PIBF1: variants seen among roughly 807,000 people sequenced by gnomAD.
The protein encoded by PIBF1 is progesterone-induced-blocking factor 1.
Under a neutral mutation model 112.5 loss-of-function variants are expected in PIBF1, and 90 were observed. The ratio of observed to expected loss-of-function variants is 0.80; its 90% CI spans 0.67 to 0.95. The LOEUF (loss-of-function observed/expected upper bound fraction) is 0.95. Among genes scored for constraint, PIBF1 ranks in the 40% least tolerant of loss-of-function variants. The probability of loss-of-function intolerance (pLI) is 0.00; values close to 1 mark genes in which losing one functional copy is unlikely to be tolerated. For missense variants in PIBF1, 915 were observed against 852.3 expected (o/e 1.07, Z -0.92); for synonymous variants, 301 against 288.6 (o/e 1.04, Z -0.44).
intron 5 of PIBF1, among the ~76,000 whole-genome samples, chr13:72,805,344 A>G (rs148551093): frequency 0.022 from 3,341 of 152,136 alleles, 136 homozygotes; most frequent in African/African-American, 0.076. Context: ...GGGTTTCACC[A>G]TGTTAGCCAG....
chr13:72,835,297 C>A lies in PIBF1; in HGVS notation c.1152C>A (p.Ile384=). ...AACTACATGATGAACTAGAACAAATCAGATTGAAAACCAACCAAGAAATTG... is the reference window on the plus strand; with the variant it reads ...AACTACATGATGAACTAGAACAAATAAGATTGAAAACCAACCAAGAAATTG... ...ENKLHDELEQ[I]RLKTNQEIDQ... The change falls in exon 9 of 18, where the codon ATC becomes ATA. Residue 384 remains isoleucine (I), a synonymous_variant. Transcript: ENST00000326291. 6.3e-7 allele frequency: 1 copy of A among 1,595,210 alleles called. No homozygotes were observed. Among genetic ancestry groups the A allele is most frequent in the South Asian group, 1.1e-5 (1 of 87,940 alleles).
At chr13:72,904,429 A>ATTTTTTTTTTTTTTTTTTTTTT (rs1240090172) in intron 11 of PIBF1, among the ~76,000 whole-genome samples, 4 of 51,086 alleles carry the variant, frequency 7.8e-5, no homozygotes, top group Non-Finnish European at 1.1e-4. Flanking sequence ...ATATCAAAAT[A>ATTTTTTTTTTTTTTTTTTTTTT]TTTCTTTTTT....
At chr13:72,964,740 A>G (rs2042694713) in intron 14 of PIBF1, among the ~76,000 whole-genome samples, 3 of 152,146 alleles carry the variant, frequency 2.0e-5, no homozygotes. Flanking sequence ...AAGTTTATGC[A>G]TTCTCAAAAT....
intron 16 of PIBF1, among the ~76,000 whole-genome samples, chr13:72,984,810 C>T (rs1024763822): frequency 6.6e-6 from 1 of 151,978 alleles, no homozygotes; most frequent in African/African-American, 2.4e-5. Flanking sequence ...TTGTTGTATC[C>T]TACAAGTCAG....
At chr13:72,913,754 T>C (rs978977965) in intron 12 of PIBF1, among the ~76,000 whole-genome samples, 2 of 151,156 alleles carry the variant, frequency 1.3e-5, no homozygotes, top group African/African-American at 4.9e-5. Flanking sequence ...AGAATGAGAC[T>C]CTGTCTCAAA....
At chr13:72,997,235 C>CT (rs1208048991) in intron 16 of PIBF1, among the ~76,000 whole-genome samples, 1 of 152,178 alleles carries the variant, frequency 6.6e-6, no homozygotes, top group Non-Finnish European at 1.5e-5. Context: ...TTTTCATAGG[C>CT]TTTCCCTTCT....
At position 72,965,413 on chromosome 13, in the gene PIBF1, T is replaced by A; in HGVS notation, c.1964+9T>A. ...CTTGAGAAAGATGTCAGGTAAACCA[T>A]CTACAAATCTTTTATTTGAATAATA... On this transcript the variant is annotated intron_variant, in intron 15 of 17. Transcript: ENST00000326291. The A allele has an allele frequency of 1.9e-6, 3 of 1,592,206 alleles. No homozygotes were observed. The highest frequency in any genetic ancestry group is 2.6e-6 in the Non-Finnish European group (3 of 1,170,446).
chr13:72,951,639 A>G (rs538853813), intron 14 of PIBF1, among the ~76,000 whole-genome samples: 18 of 152,328 alleles, frequency 1.2e-4, no homozygotes, highest in Non-Finnish European at 2.5e-4. Flanking sequence ...TGGAGTCAGT[A>G]AAACAGCAGT....
At chr13:72,783,390 A>T in intron 1 of PIBF1, 33 bp from the exon 2 acceptor site, 1 of 933,552 alleles carries the variant, frequency 1.1e-6, no homozygotes, top group Non-Finnish European at 1.6e-6. Context: ...TTAATTTTAT[A>T]GTACATTTGA....
chr13:72,901,640 A>G (rs1366767641), intron 11 of PIBF1, among the ~76,000 whole-genome samples: 1 of 152,008 alleles, frequency 6.6e-6, no homozygotes, highest in African/African-American at 2.4e-5. Context: ...AGCAAAGATC[A>G]TGCCACTACA....
chr13:72,952,220 A>G (rs1387218183), intron 14 of PIBF1, among the ~76,000 whole-genome samples: 1 of 151,478 alleles, frequency 6.6e-6, no homozygotes, highest in African/African-American at 2.4e-5. Flanking sequence ...TGCCCAGCTA[A>G]TTTTTGTATT....
chr13:72,857,077 C>T (rs540311486), intron 10 of PIBF1, among the ~76,000 whole-genome samples: 12 of 151,960 alleles, frequency 7.9e-5, no homozygotes, highest in African/African-American at 2.7e-4. Context: ...AATAGAATAC[C>T]AAAAATATTT....
chr13:72,832,072 CTTTTTTTTTTTT>C (rs754794968), intron 8 of PIBF1, among the ~76,000 whole-genome samples: 4 of 42,904 alleles, frequency 9.3e-5, no homozygotes, highest in South Asian at 8.4e-4. Context: ...CAATTCCGGC[CTTTTTTTTTTTT>C]TTTTTTTTTT....
chr13:72,992,585 C>T (rs2043515068), intron 16 of PIBF1, among the ~76,000 whole-genome samples: 1 of 152,070 alleles, frequency 6.6e-6, no homozygotes, highest in Non-Finnish European at 1.5e-5. Flanking sequence ...CTTGAACTCA[C>T]AAGTTTGAGA....
At chr13:72,831,299 T>C (rs1253841333) in intron 8 of PIBF1, among the ~76,000 whole-genome samples, 2 of 152,222 alleles carry the variant, frequency 1.3e-5, no homozygotes, top group African/African-American at 4.8e-5. Flanking sequence ...TTTCTTGTCT[T>C]CTGCTAGATT....
At chr13:72,939,962 A>G (rs2041968926) in intron 14 of PIBF1, among the ~76,000 whole-genome samples, 1 of 152,104 alleles carries the variant, frequency 6.6e-6, no homozygotes, top group Non-Finnish European at 1.5e-5. Flanking sequence ...AGCTGCTTTT[A>G]AGAGATTTTT....
chr13:72,851,239 G>A (rs7995931), intron 9 of PIBF1, among the ~76,000 whole-genome samples: 15,715 of 152,170 alleles, frequency 0.1, 2,313 homozygotes, highest in African/African-American at 0.33. Context: ...TGGCCCAGTC[G>A]CAGCTGCGGA....
chr13:72,809,745 A>G (rs571638135), intron 5 of PIBF1, among the ~76,000 whole-genome samples: 1 of 151,950 alleles, frequency 6.6e-6, no homozygotes, highest in Non-Finnish European at 1.5e-5. Context: ...ATGCGCCACC[A>G]TGCCTGGCTA....
chr13:73,006,269 C>T (rs554011467), intron 17 of PIBF1, among the ~76,000 whole-genome samples: 4 of 152,134 alleles, frequency 2.6e-5, no homozygotes, highest in Non-Finnish European at 4.4e-5. Context: ...AAAGTATGAC[C>T]GGACCTCAAA....
Sources: allele counts gnomAD v4.1 joint callset (sites outside exome capture counted in the v4.1 genomes callset), GRCh38; gene constraint gnomAD v4.1.1; transcripts MANE v1.5; gene names NCBI Gene and HGNC (gene_info 2026-07-23, HGNC 2026-07-21).